The following SLC17A9 variants were observed in gnomAD, a reference collection of about 807,000 sequenced individuals.
The protein encoded by SLC17A9 is solute carrier family 17 member 9.
A neutral mutation model predicts 55.0 loss-of-function variants in SLC17A9; 49 were observed. The observed-to-expected ratio is 0.89, with a 90% CI of 0.71 to 1.13. The LOEUF is 1.13. SLC17A9 is among the 50% of genes most tolerant of loss of function. The probability of loss-of-function intolerance (pLI) is 0.00; values close to 1 mark genes in which losing one functional copy is unlikely to be tolerated. For missense variants in SLC17A9, 526 were observed against 569.3 expected (o/e 0.92, Z 0.77); for synonymous variants, 256 against 247.4 (o/e 1.03, Z -0.32).
chr20:62,961,413 C>T (rs1245053630), intron 4 of SLC17A9, among the ~76,000 whole-genome samples: 1 of 152,164 alleles, frequency 6.6e-6, no homozygotes, highest in African/African-American at 2.4e-5. Context: ...AACCCCGTGC[C>T]CCTCAGTCCT....
Position 62,952,830 on chromosome 20 carries a change from G to T in SLC17A9, c.-1G>T, listed in dbSNP as rs527550857. On this transcript the variant is annotated 5_prime_UTR_variant, in exon 1 of 13. Coordinates refer to ENST00000370351, the MANE Select transcript of SLC17A9 (RefSeq NM_022082.4). Reference sequence around the variant, plus strand: ...CACGCCGTCTGAGCACCCCAAGCCCGATGCAGCCACCCCCAGACGAGGCCC... The same window carrying T: ...CACGCCGTCTGAGCACCCCAAGCCCTATGCAGCCACCCCCAGACGAGGCCC... 2 of 1,521,738 alleles carry T rather than the reference G, an allele frequency of 1.3e-6. No homozygotes were observed. Among genetic ancestry groups the T allele is most frequent in the Non-Finnish European group, 8.8e-7 (1 of 1,137,636 alleles). 94.3% of individuals were successfully genotyped at this position (1,521,738 alleles called of 1,614,324 possible).
At chr20:62,960,017 T>TG (rs1568913832) in intron 3 of SLC17A9, among the ~76,000 whole-genome samples, 2 of 152,314 alleles carry the variant, frequency 1.3e-5, no homozygotes, top group African/African-American at 4.8e-5. Context: ...GCAGCTTTCT[T>TG]GGGGGAAGTA....
At chr20:62,957,000 G>A in intron 2 of SLC17A9, 38 bp downstream of exon 2, 2 of 1,611,356 alleles carry the variant, frequency 1.2e-6, no homozygotes, top group African/African-American at 1.3e-5. Context: ...GCTGGTGGGG[G>A]CCGCCCCACT....
At chr20:62,953,200 C>G (rs1055989094) in intron 1 of SLC17A9, 1 of 1,550,400 alleles carries the variant, frequency 6.4e-7, no homozygotes, top group East Asian at 2.4e-5. Context: ...AGGAGGCATA[C>G]CCCTCGCCAG....
At chr20:62,957,061 C>A in intron 2 of SLC17A9, 99 bp downstream of exon 2, 3 of 1,409,772 alleles carry the variant, frequency 2.1e-6, no homozygotes, top group Non-Finnish European at 2.9e-6. Context: ...GCAGAGGATG[C>A]GACTCCTGGG....
chr20:62,958,238 G>A lies in SLC17A9; in HGVS notation c.397+658G>A, dbSNP rs1238028216. On this transcript the variant is annotated intron_variant, in intron 3 of 12. Coordinates refer to ENST00000370351, the MANE Select transcript of SLC17A9 (RefSeq NM_022082.4). The surrounding 1 kb of genome is among the most constrained non-coding windows in gnomAD (Gnocchi z 4.1). The stretch of plus-strand genomic sequence containing the variant: ...ATACACAGGATCACAGGGGGCACCT[G>A]TGTAGTGAACTTGCCCCTGCCCCTG... 6.6e-6 allele frequency among the ~76,000 whole-genome samples: 1 copy of A among 152,192 alleles called. No homozygotes were observed. The highest frequency in any genetic ancestry group is 1.5e-5 in the Non-Finnish European group (1 of 68,026).
Position 62,957,048 on chromosome 20 carries a change from C to T in SLC17A9, c.257+86C>T, listed in dbSNP as rs1338581849. On this transcript the variant is annotated intron_variant, in intron 2 of 12. Coordinates refer to ENST00000370351, the MANE Select transcript of SLC17A9 (RefSeq NM_022082.4). ...GGCGAGTGGGCTGGCTGTGCTGCTGCACGCAGAGGATGCGACTCCTGGGGA... is the reference window on the plus strand; with the variant it reads ...GGCGAGTGGGCTGGCTGTGCTGCTGTACGCAGAGGATGCGACTCCTGGGGA... The T allele has an allele frequency of 5.1e-6, 8 of 1,561,834 alleles. No homozygotes were observed. In the African/African-American group the frequency reaches 1.1e-4, roughly 22 times the overall value.
At position 62,963,690 on chromosome 20, in the gene SLC17A9, G is replaced by A. The variant is rs779318977; in HGVS notation, c.822+10G>A. The A allele has an allele frequency of 1.8e-5, 29 of 1,576,020 alleles. No homozygotes were observed. The highest frequency in any genetic ancestry group is 2.4e-5 in the Non-Finnish European group (28 of 1,161,094). On this transcript the variant is annotated intron_variant, in intron 7 of 12. Transcript: ENST00000370351. ...CTTCCCCGACGCCAAGGTGAGTCGG[G>A]GGCTCCCGCAGGGTGAAGGAGCGCC...
intron 8 of SLC17A9, among the ~76,000 whole-genome samples, chr20:62,964,706 C>A (rs1316872878): frequency 6.6e-6 from 1 of 152,270 alleles, no homozygotes; most frequent in Non-Finnish European, 1.5e-5. Context: ...GCTGCACAGA[C>A]ACGTACAGGC....
chr20:62,965,393 C>G (rs1327069225), intron 9 of SLC17A9, among the ~76,000 whole-genome samples: 2 of 152,004 alleles, frequency 1.3e-5, no homozygotes, highest in Non-Finnish European at 2.9e-5. Context: ...TGAGCTTGCC[C>G]ACGTCGAATA....
chr20:62,952,823 C>G lies in SLC17A9; in HGVS notation c.-8C>G. On this transcript the variant is annotated 5_prime_UTR_variant, in exon 1 of 13. Coordinates refer to ENST00000370351, the MANE Select transcript of SLC17A9 (RefSeq NM_022082.4). ...CTGTGCCCACGCCGTCTGAGCACCCCAAGCCCGATGCAGCCACCCCCAGAC... is the reference window on the plus strand; with the variant it reads ...CTGTGCCCACGCCGTCTGAGCACCCGAAGCCCGATGCAGCCACCCCCAGAC... The G allele has an allele frequency of 6.5e-7, 1 of 1,533,522 alleles. No individual in the cohort carries two copies. The highest frequency in any genetic ancestry group is 1.2e-5 in the South Asian group (1 of 83,622). The allele number at this position is 1,533,522 out of a possible 1,614,324, so 95.0% of individuals were successfully genotyped here.
At position 62,963,759 on chromosome 20, in the gene SLC17A9, T is replaced by C. The variant is rs1461095368; in HGVS notation, c.822+79T>C. 2.3e-6 allele frequency: 3 copies of C among 1,332,428 alleles called. No individual in the cohort carries two copies. In the African/African-American group the frequency reaches 4.4e-5, roughly 19 times the overall value. 82.5% of individuals were successfully genotyped at this position (1,332,428 alleles called of 1,614,324 possible). A position where few individuals can be genotyped will look rare whatever the true frequency, so the allele number is the denominator to read the frequency against. The stretch of plus-strand genomic sequence containing the variant: ...AGCTGCACCAGGCACTGTGGGTCCT[T>C]GGCCTGCAGATGGTGGAACCCTCGG... On this transcript the variant is annotated intron_variant, in intron 7 of 12. Coordinates refer to ENST00000370351, the MANE Select transcript of SLC17A9 (RefSeq NM_022082.4).
At position 62,958,966 on chromosome 20, in the gene SLC17A9, C is replaced by A. The variant is rs2065565570; in HGVS notation, c.397+1386C>A. Among the ~76,000 whole-genome samples, 1 of 152,176 alleles carries A rather than the reference C, an allele frequency of 6.6e-6. No individual in the cohort carries two copies. The highest frequency in any genetic ancestry group is 1.5e-5 in the Non-Finnish European group (1 of 68,026). On this transcript the variant is annotated intron_variant, in intron 3 of 12. Transcript: ENST00000370351. The surrounding 1 kb of genome is among the most constrained non-coding windows in gnomAD (Gnocchi z 4.1). Reference sequence around the variant, plus strand: ...TGTGAGGCCCCATCCCAGAGCCAGCCCCTCCAGCATCACCGCCTCCCCAGG... The same window carrying A: ...TGTGAGGCCCCATCCCAGAGCCAGCACCTCCAGCATCACCGCCTCCCCAGG...
rs1331391100 is a variant in SLC17A9 at position 62,968,825 on chromosome 20, G to A, written c.*1325G>A. The A allele has an allele frequency of 2.0e-5, 3 of 152,234 alleles. No individual in the cohort carries two copies. The highest frequency in any genetic ancestry group is 3.8e-4 in the East Asian group (2 of 5,196). The allele number at this position is 152,234 out of a possible 1,614,324, so 9.4% of individuals were successfully genotyped here. ...GTCCTGCGTGTCCACAGATGACAGCGATGTACCCTGCTATCAGCTGTCCAC... is the reference window on the plus strand; with the variant it reads ...GTCCTGCGTGTCCACAGATGACAGCAATGTACCCTGCTATCAGCTGTCCAC... On this transcript the variant is annotated 3_prime_UTR_variant, in exon 13 of 13. Transcript: ENST00000370351.
rs527973286 is a variant in SLC17A9, at chr20:62,957,853, G to A, written c.397+273G>A. On this transcript the variant is annotated intron_variant, in intron 3 of 12. Transcript: ENST00000370351. ...CCCGCGTGCATGCGTGCACCTGTGC[G>A]TGTGCGTGTGCAAGTGTGTGTATGG... 1.2e-3 allele frequency among the ~76,000 whole-genome samples: 146 copies of A among 121,888 alleles called. 6 individuals are homozygous for A. The highest frequency in any genetic ancestry group is 3.1e-3 in the African/African-American group (117 of 37,468). 80.0% of individuals were successfully genotyped at this position (121,888 alleles called of 152,430 possible).
At chr20:62,957,712 CCGCGTG>C (rs2065549967) in intron 3 of SLC17A9, 132 bp downstream of exon 3, 11 of 734,294 alleles carry the variant, frequency 1.5e-5, no homozygotes, top group Admixed American at 3.9e-5. Context: ...ATGGGCATGC[CCGCGTG>C]CATGCGTGCA....
At chr20:62,961,636 G>T (rs77441150) in intron 4 of SLC17A9, among the ~76,000 whole-genome samples, 2 of 152,176 alleles carry the variant, frequency 1.3e-5, no homozygotes, top group Admixed American at 1.3e-4. Context: ...TGTAGGTGGG[G>T]CCGGGAGCAG....
chr20:62,967,055 C>A (rs1294370216), intron 12 of SLC17A9: 1 of 576,284 alleles, frequency 1.7e-6, no homozygotes, highest in Non-Finnish European at 3.0e-6. Flanking sequence ...CTCAGCCTCG[C>A]CTGGGCCGGC....
Position 62,958,007 on chromosome 20 carries a change from T to C in SLC17A9, c.397+427T>C, listed in dbSNP as rs367966244. 2.6e-3 allele frequency among the ~76,000 whole-genome samples: 397 copies of C among 152,244 alleles called. 7 individuals are homozygous for C. The highest frequency in any genetic ancestry group is 8.9e-3 in the African/African-American group (371 of 41,542). On this transcript the variant is annotated intron_variant, in intron 3 of 12. Transcript: ENST00000370351. The surrounding 1 kb of genome is among the most constrained non-coding windows in gnomAD (Gnocchi z 4.1). ...GTGCGTGTGCGTACGTATGTGTGCA[T>C]GCACATGTGTGAGCATGCACTTGTG...
Sources: allele counts gnomAD v4.1 joint callset (sites outside exome capture counted in the v4.1 genomes callset), GRCh38; gene constraint gnomAD v4.1.1; non-coding constraint Gnocchi (gnomAD v3.1); transcripts MANE v1.5; gene names NCBI Gene and HGNC (gene_info 2026-07-23, HGNC 2026-07-21).